Variants in RBFOX1 observed in about 807,000 individuals in gnomAD.
RBFOX1 encodes RNA binding protein fox-1 homolog 1.
In RBFOX1, 8 loss-of-function variants were observed where a neutral mutation model predicts 57.7. That is an observed-to-expected ratio of 0.14 (90% confidence interval 0.08 to 0.25). The LOEUF (loss-of-function observed/expected upper bound fraction) is 0.25. Ranked by LOEUF, RBFOX1 falls within the 10% of genes least tolerant of loss-of-function variation. The pLI, the probability that RBFOX1 is intolerant of heterozygous loss-of-function variation, is 1.00. For missense variants in RBFOX1, 611 were observed against 548.5 expected (o/e 1.11, Z -1.14); for synonymous variants, 326 against 222.4 (o/e 1.47, Z -4.15).
intron 1 of RBFOX1, among the ~76,000 whole-genome samples, chr16:6,163,904 T>C (rs923488275): frequency 2.1e-4 from 32 of 152,140 alleles, no homozygotes; most frequent in African/African-American, 7.5e-4. Context: ...TGCCTCTGTG[T>C]TTTCTTATTG....
rs563713073 is a variant in RBFOX1, at chr16:7,248,437, C to T, written c.27+196339C>T. ...CTGAGTCCCTTCATATCTTTCCAGT[C>T]ATTTGGGGGAAAAGGTAGGATCTGA... On this transcript the variant is annotated intron_variant, in intron 4 of 15. Coordinates refer to ENST00000550418, the MANE Select transcript of RBFOX1 (RefSeq NM_018723.4). Among the ~76,000 whole-genome samples, 867 of 152,228 alleles carry T rather than the reference C, an allele frequency of 5.7e-3. 11 individuals carry two copies. Among genetic ancestry groups the T allele is most frequent in the Middle Eastern group, 0.02 (6 of 294 alleles).
At chr16:5,370,302 G>T (rs1227520787) in intron 1 of RBFOX1, among the ~76,000 whole-genome samples, 2 of 151,920 alleles carry the variant, frequency 1.3e-5, no homozygotes, top group African/African-American at 4.8e-5. Flanking sequence ...AGATCTAGAC[G>T]GCATCTCCAT....
At chr16:6,490,815 C>A (rs979925273) in intron 2 of RBFOX1, among the ~76,000 whole-genome samples, 1 of 152,172 alleles carries the variant, frequency 6.6e-6, no homozygotes, top group African/African-American at 2.4e-5. Flanking sequence ...CCAATAAACT[C>A]ACGTTTGAAC....
intron 2 of RBFOX1, among the ~76,000 whole-genome samples, chr16:6,564,869 G>C (rs915289360): frequency 6.6e-6 from 1 of 152,024 alleles, no homozygotes; most frequent in African/African-American, 2.4e-5. Flanking sequence ...GGCTGGGCAC[G>C]GTGGCTCATG....
At chr16:7,098,450 A>G (rs951796831) in intron 4 of RBFOX1, among the ~76,000 whole-genome samples, 2 of 152,350 alleles carry the variant, frequency 1.3e-5, no homozygotes, top group Admixed American at 1.3e-4. Context: ...GATTACAGGC[A>G]TGAGCTACTG....
chr16:7,649,122 G>T (rs898469792), intron 11 of RBFOX1, among the ~76,000 whole-genome samples: 1 of 152,062 alleles, frequency 6.6e-6, no homozygotes, highest in Non-Finnish European at 1.5e-5. Flanking sequence ...AAGTAAAATG[G>T]GGAAAGTACA....
chr16:6,566,921 C>T (rs895069872), intron 2 of RBFOX1, among the ~76,000 whole-genome samples: 4 of 152,050 alleles, frequency 2.6e-5, no homozygotes, highest in African/African-American at 9.7e-5. Context: ...GAACATAGAC[C>T]ACAAAAAATT....
At chr16:6,170,127 C>A (rs995733801) in intron 1 of RBFOX1, among the ~76,000 whole-genome samples, 3 of 152,082 alleles carry the variant, frequency 2.0e-5, no homozygotes, top group South Asian at 4.1e-4. Context: ...CCTTCTCAGG[C>A]CACATTTAGT....
chr16:5,745,772 C>T (rs567224046), intron 3 of RBFOX1, among the ~76,000 whole-genome samples: 6 of 152,272 alleles, frequency 3.9e-5, no homozygotes, highest in African/African-American at 1.4e-4. Context: ...ATCCTTCACC[C>T]ACTTTTTGAT....
At chr16:5,770,566 C>T (rs192840448) in intron 3 of RBFOX1, among the ~76,000 whole-genome samples, 12 of 152,250 alleles carry the variant, frequency 7.9e-5, no homozygotes, top group African/African-American at 2.4e-4. Flanking sequence ...TATGGGGTAG[C>T]CCTGCTATTT....
chr16:7,164,307 A>G (rs1042574124), intron 4 of RBFOX1, among the ~76,000 whole-genome samples: 1 of 152,046 alleles, frequency 6.6e-6, no homozygotes, highest in Non-Finnish European at 1.5e-5. Flanking sequence ...GTTCCTTTTT[A>G]TGGCTGAATA....
intron 2 of RBFOX1, among the ~76,000 whole-genome samples, chr16:5,571,046 G>A (rs2046264697): frequency 6.6e-6 from 1 of 151,804 alleles, no homozygotes; most frequent in African/African-American, 2.4e-5. Context: ...CTTTGCTGGT[G>A]AGATTTCTTT....
At chr16:6,291,487 A>G (rs2077460343) in intron 1 of RBFOX1, among the ~76,000 whole-genome samples, 2 of 152,110 alleles carry the variant, frequency 1.3e-5, no homozygotes, top group Non-Finnish European at 2.9e-5. Flanking sequence ...GGGACCTCAA[A>G]CTCACTAAGC....
At chr16:7,058,811 G>T (rs879466606) in intron 4 of RBFOX1, among the ~76,000 whole-genome samples, 1 of 152,014 alleles carries the variant, frequency 6.6e-6, no homozygotes, top group Non-Finnish European at 1.5e-5. Context: ...CGTATTTTAT[G>T]TTCCATTTAT....
intron 2 of RBFOX1, among the ~76,000 whole-genome samples, chr16:6,527,493 T>C (rs1484148768): frequency 1.3e-5 from 2 of 152,168 alleles, no homozygotes; most frequent in Non-Finnish European, 2.9e-5. Context: ...AAGTTGAATG[T>C]ATAATTTTTA....
chr16:5,999,356 C>T (rs560320902), intron 4 of RBFOX1, among the ~76,000 whole-genome samples: 5 of 152,208 alleles, frequency 3.3e-5, no homozygotes, highest in African/African-American at 1.2e-4. Context: ...CAAATAAATC[C>T]TTCCTTAAGT....
intron 4 of RBFOX1, among the ~76,000 whole-genome samples, chr16:7,412,511 G>A (rs1316283259): frequency 1.3e-5 from 2 of 151,832 alleles, no homozygotes; most frequent in Non-Finnish European, 2.9e-5. Context: ...AAAGTATGCT[G>A]CAATTAAAAT....
chr16:5,439,512 T>G (rs1156482476), intron 1 of RBFOX1, among the ~76,000 whole-genome samples: 1 of 152,032 alleles, frequency 6.6e-6, no homozygotes, highest in South Asian at 2.1e-4. Flanking sequence ...AACGAACAAA[T>G]GCATGATAGG....
At chr16:5,421,640 A>T (rs1223811922) in intron 1 of RBFOX1, among the ~76,000 whole-genome samples, 1 of 152,242 alleles carries the variant, frequency 6.6e-6, no homozygotes, top group Non-Finnish European at 1.5e-5. Flanking sequence ...CTGGGAACAC[A>T]GAGGCTCCAG....
Sources: allele counts gnomAD v4.1 joint callset (sites outside exome capture counted in the v4.1 genomes callset), GRCh38; gene constraint gnomAD v4.1.1; transcripts MANE v1.5; gene names NCBI Gene and HGNC (gene_info 2026-07-23, HGNC 2026-07-21).